Variants in KANSL1L observed in about 807,000 individuals in gnomAD.
The protein encoded by KANSL1L is KAT8 regulatory NSL complex subunit 1-like protein.
A neutral mutation model predicts 108.6 loss-of-function variants in KANSL1L; 25 were observed. That is an observed-to-expected ratio of 0.23 (90% CI 0.17 to 0.32). KANSL1L has a LOEUF of 0.32. KANSL1L is among the 10% of genes least tolerant of loss of function. The pLI, the probability that KANSL1L is intolerant of heterozygous loss-of-function variation, is 1.00. For synonymous variants in KANSL1L, 405 were observed against 395.1 expected, an observed-to-expected ratio of 1.03 and a Z score of -0.30; for missense variants, 1,137 against 1,125.7, an observed-to-expected ratio of 1.01 and a Z score of -0.14.
chr2:210,153,112 T>C (rs1375082941), intron 2 of KANSL1L: 1 of 161,826 alleles, frequency 6.2e-6, no homozygotes, highest in African/African-American at 2.4e-5. Flanking sequence ...TCCCAGCACT[T>C]TGGGAGGCCG....
chr2:210,136,129 G>A (rs1223543266), intron 2 of KANSL1L, among the ~76,000 whole-genome samples: 1 of 152,076 alleles, frequency 6.6e-6, no homozygotes, highest in Non-Finnish European at 1.5e-5. Flanking sequence ...AGAATAAATG[G>A]AGTAAACACA....
chr2:210,122,383 A>G (rs1326901166), intron 3 of KANSL1L, among the ~76,000 whole-genome samples: 2 of 152,192 alleles, frequency 1.3e-5, no homozygotes, highest in Admixed American at 6.5e-5. Context: ...AAATCCATAC[A>G]TATACAGTTA....
intron 6 of KANSL1L, among the ~76,000 whole-genome samples, chr2:210,057,643 AG>A (rs1460051254): frequency 6.6e-6 from 1 of 152,228 alleles, no homozygotes; most frequent in East Asian, 1.9e-4. Flanking sequence ...GCGGGAAGCC[AG>A]GAACCCTGAA....
intron 5 of KANSL1L, among the ~76,000 whole-genome samples, chr2:210,092,310 T>A (rs977483454): frequency 1.3e-5 from 2 of 152,220 alleles, no homozygotes; most frequent in Non-Finnish European, 2.9e-5. Context: ...ACCTTCACAC[T>A]ATATTCTCTA....
intron 6 of KANSL1L, among the ~76,000 whole-genome samples, chr2:210,075,247 G>T (rs990588115): frequency 6.6e-6 from 1 of 151,854 alleles, no homozygotes; most frequent in Non-Finnish European, 1.5e-5. Flanking sequence ...ATCTTTGACA[G>T]TACATTTTAA....
At chr2:210,134,652 G>A (rs2095157752) in intron 2 of KANSL1L, among the ~76,000 whole-genome samples, 1 of 152,106 alleles carries the variant, frequency 6.6e-6, no homozygotes, top group African/African-American at 2.4e-5. Flanking sequence ...TCAAATTGAG[G>A]GAGAGGTGGA....
intron 2 of KANSL1L, among the ~76,000 whole-genome samples, chr2:210,139,532 GA>G (rs1238090914): frequency 6.6e-6 from 1 of 152,106 alleles, no homozygotes; most frequent in African/African-American, 2.4e-5. Flanking sequence ...CAGTGTACAA[GA>G]GTTTCCTTTT....
At chr2:210,099,005 T>G (rs530355980) in intron 4 of KANSL1L, among the ~76,000 whole-genome samples, 1 of 152,056 alleles carries the variant, frequency 6.6e-6, no homozygotes, top group African/African-American at 2.4e-5. Flanking sequence ...TCATTACACC[T>G]GTAATCCACG....
chr2:210,030,304 T>C (rs957801797), intron 9 of KANSL1L, among the ~76,000 whole-genome samples: 6 of 152,050 alleles, frequency 3.9e-5, no homozygotes, highest in Admixed American at 1.3e-4. Context: ...TATCTGTCCT[T>C]GGTCTTCTGA....
intron 6 of KANSL1L, among the ~76,000 whole-genome samples, chr2:210,063,429 C>A (rs973583811): frequency 1.3e-5 from 2 of 152,212 alleles, no homozygotes; most frequent in African/African-American, 4.8e-5. Context: ...GTCCTTCAGA[C>A]TCTAGAATGG....
At chr2:210,134,601 G>C (rs186883909) in intron 2 of KANSL1L, among the ~76,000 whole-genome samples, 14 of 152,200 alleles carry the variant, frequency 9.2e-5, no homozygotes, top group Admixed American at 4.6e-4. Context: ...TTAAAGCTTT[G>C]TTAGAGCATG....
intron 6 of KANSL1L, among the ~76,000 whole-genome samples, chr2:210,045,638 G>T (rs2094215314): frequency 3.3e-5 from 5 of 152,032 alleles, no homozygotes. Context: ...GTGTAGGTTT[G>T]CTTTCTCCGA....
chr2:210,022,661 T>C lies in KANSL1L; in HGVS notation c.*288A>G. 2 of 366,278 alleles carry C rather than the reference T, an allele frequency of 5.5e-6. No individual in the cohort carries two copies. The highest frequency in any genetic ancestry group is 1.0e-5 in the Non-Finnish European group (2 of 197,200). The allele number at this position is 366,278 out of a possible 1,614,324, so 22.7% of individuals were successfully genotyped here. On this transcript the variant is annotated 3_prime_UTR_variant, in exon 15 of 15. Coordinates refer to ENST00000281772, the MANE Select transcript of KANSL1L (RefSeq NM_152519.4). ...GGTGTGGGTACATAGTCTTAAAAAT[T>C]ACCCAGTAATGTGATTTGACATCAA... is the stretch of plus-strand genomic sequence containing the variant.
At chr2:210,029,059 C>T in intron 10 of KANSL1L, 90 bp from the exon 11 acceptor site, 1 of 1,089,198 alleles carries the variant, frequency 9.2e-7, no homozygotes, top group Non-Finnish European at 1.3e-6. Context: ...TATGGCAGTA[C>T]ACGTTACATA....
intron 12 of KANSL1L, among the ~76,000 whole-genome samples, chr2:210,025,468 T>C (rs978363807): frequency 1.2e-4 from 18 of 152,140 alleles, no homozygotes; most frequent in African/African-American, 3.6e-4. Flanking sequence ...AGGCAGAGAA[T>C]TGCTTGAACG....
At chr2:210,141,499 T>C (rs576210001) in intron 2 of KANSL1L, among the ~76,000 whole-genome samples, 3 of 152,236 alleles carry the variant, frequency 2.0e-5, no homozygotes, top group African/African-American at 7.2e-5. Context: ...AGGTAGAAGA[T>C]GCCAACATGA....
intron 13 of KANSL1L, among the ~76,000 whole-genome samples, chr2:210,024,863 T>G (rs985029855): frequency 1.3e-5 from 2 of 152,202 alleles, no homozygotes; most frequent in Admixed American, 1.3e-4. Flanking sequence ...GTTAGTTAAA[T>G]CCATTCCTGA....
intron 5 of KANSL1L, among the ~76,000 whole-genome samples, chr2:210,079,632 A>ATG (rs1559539550): frequency 1.5e-4 from 1 of 6,750 alleles, no homozygotes; most frequent in Admixed American, 3.6e-3. Flanking sequence ...ATATATATAT[A>ATG]TATATATATA....
At position 210,044,042 on chromosome 2, in the gene KANSL1L, A is replaced by G; in HGVS notation, c.1818T>C (p.Ala606=). The change falls in exon 7 of 15, where the codon GCT becomes GCC. Residue 606 remains alanine (A), a synonymous_variant. Coordinates refer to ENST00000281772, the MANE Select transcript of KANSL1L (RefSeq NM_152519.4). The surrounding 1 kb of genome is among the most constrained non-coding windows in gnomAD (Gnocchi z 4.2). ...NTTQMPCLQS[A]STWSSYEHNS... The stretch of plus-strand genomic sequence containing the variant: ...TGTGTTCATAGCTACTCCAAGTTGA[A>G]GCTGATTGCAGGCAAGGCATTTGTG... 6.2e-7 allele frequency: 1 copy of G among 1,609,608 alleles called. No individual in the cohort carries two copies. Among genetic ancestry groups the G allele is most frequent in the Non-Finnish European group, 8.5e-7 (1 of 1,177,756 alleles).
Sources: allele counts gnomAD v4.1 joint callset (sites outside exome capture counted in the v4.1 genomes callset), GRCh38; gene constraint gnomAD v4.1.1; non-coding constraint Gnocchi (gnomAD v3.1); transcripts MANE v1.5; gene names NCBI Gene and HGNC (gene_info 2026-07-23, HGNC 2026-07-21).